The following TMEM9 variants were observed in gnomAD, a reference collection of about 807,000 sequenced individuals.
TMEM9 encodes the protein proton-transporting V-type ATPase complex assembly regulator TMEM9.
In TMEM9, 13 loss-of-function variants were observed where a neutral mutation model predicts 22.8. The ratio of observed to expected loss-of-function variants is 0.57; its 90% CI spans 0.37 to 0.91. The LOEUF is 0.91. TMEM9 is among the 40% of genes least tolerant of loss of function. The pLI, the probability that TMEM9 is intolerant of heterozygous loss-of-function variation, is 0.01. For synonymous variants in TMEM9, 88 were observed against 93.0 expected (o/e 0.95, Z 0.31); for missense variants, 182 against 238.1 (o/e 0.76, Z 1.55).
chr1:201,171,248 C>A (rs1666203535), intron 1 of TMEM9, among the ~76,000 whole-genome samples: 1 of 152,118 alleles, frequency 6.6e-6, no homozygotes, highest in South Asian at 2.1e-4. Flanking sequence ...AGGCCCCCTG[C>A]CGGACGGCGG....
At chr1:201,153,185 C>T (rs1035027084) in intron 1 of TMEM9, among the ~76,000 whole-genome samples, 2 of 152,200 alleles carry the variant, frequency 1.3e-5, no homozygotes, top group African/African-American at 2.4e-5. Context: ...TTTATTTTCA[C>T]TGTGTTAATA....
intron 3 of TMEM9, 21 bp downstream of exon 3, chr1:201,146,719 T>C (rs752437054): frequency 1.2e-6 from 2 of 1,612,428 alleles, no homozygotes; most frequent in Non-Finnish European, 1.7e-6. Context: ...TCCCACTGGC[T>C]TCCTGAGACC....
chr1:201,146,564 G>A (rs768143329), intron 3 of TMEM9, 176 bp downstream of exon 3: 152 of 711,144 alleles, frequency 2.1e-4, no homozygotes, highest in Non-Finnish European at 3.3e-4. Flanking sequence ...GAAGGGAGCT[G>A]GCTCCAGGAA....
Position 201,135,156 on chromosome 1 carries a change from C to A in TMEM9, c.*507G>T. ...GCCCAGCTCTCCCATCAGAGCTGTC[C>A]TCAGGGCTGGAGCTGGGGCTGGGGC... On this transcript the variant is annotated 3_prime_UTR_variant, in exon 5 of 5. Transcript: ENST00000367330. 1 of 153,686 alleles carries A rather than the reference C, an allele frequency of 6.5e-6. No individual in the cohort carries two copies. Among genetic ancestry groups the A allele is most frequent in the South Asian group, 1.9e-4 (1 of 5,156 alleles). 9.5% of individuals were successfully genotyped at this position (153,686 alleles called of 1,614,324 possible).
chr1:201,140,702 G>A (rs979974306), intron 4 of TMEM9, among the ~76,000 whole-genome samples: 10 of 152,172 alleles, frequency 6.6e-5, no homozygotes, highest in African/African-American at 2.4e-4. Context: ...GACTTCTGGG[G>A]CGTAGGGCCT....
At chr1:201,145,887 G>A (rs1258915857) in intron 3 of TMEM9, among the ~76,000 whole-genome samples, 1 of 152,190 alleles carries the variant, frequency 6.6e-6, no homozygotes, top group Non-Finnish European at 1.5e-5. Context: ...GCATGGGCCT[G>A]GGAGGTCAGA....
chr1:201,143,369 C>T (rs1341085835), intron 4 of TMEM9, among the ~76,000 whole-genome samples: 1 of 152,220 alleles, frequency 6.6e-6, no homozygotes, highest in Non-Finnish European at 1.5e-5. Context: ...TGAAATCCTA[C>T]ATTTCTCCCC....
In TMEM9 at chr1:201,153,976, G is replaced by C. The variant is rs560639310; in HGVS notation, c.-53C>G. 4.5e-6 allele frequency: 7 copies of C among 1,566,648 alleles called. No individual in the cohort carries two copies. The highest frequency in any genetic ancestry group is 5.2e-6 in the Non-Finnish European group (6 of 1,156,006). On this transcript the variant is annotated 5_prime_UTR_variant, in exon 1 of 5. Coordinates refer to ENST00000367330, the MANE Select transcript of TMEM9 (RefSeq NM_001288565.2). ...GCCGGACACCTGGAAAAAGAGATAC[G>C]GAGTCGGAGAAGGGGAAGGTGGCCA...
chr1:201,147,626 C>T (rs6664337), intron 2 of TMEM9, among the ~76,000 whole-genome samples: 112,702 of 152,184 alleles, frequency 0.74, 41,858 homozygotes, highest in Non-Finnish European at 0.77. Flanking sequence ...ACTACCTTCC[C>T]ACGGCAGCCA....
In TMEM9 at chr1:201,143,101, G is replaced by A. The variant is rs115348182; in HGVS notation, c.399+719C>T. ...ACTGGGCCTGGTCCAAGCCCTGCCA[G>A]CTCCCCACCATTGCATGAACTCCTG... On this transcript the variant is annotated intron_variant, in intron 4 of 4. Transcript: ENST00000367330. Among the ~76,000 whole-genome samples, 668 of 152,348 alleles carry A rather than the reference G, an allele frequency of 4.4e-3. 7 individuals carry two copies. The highest frequency in any genetic ancestry group is 0.016 in the African/African-American group (645 of 41,586).
chr1:201,168,495 G>A (rs1666132957), intron 1 of TMEM9, among the ~76,000 whole-genome samples: 1 of 152,162 alleles, frequency 6.6e-6, no homozygotes, highest in Non-Finnish European at 1.5e-5. Flanking sequence ...GATACAGGTG[G>A]ATCACTTGAG....
At chr1:201,143,377 C>T (rs896970041) in intron 4 of TMEM9, among the ~76,000 whole-genome samples, 16 of 152,230 alleles carry the variant, frequency 1.1e-4, no homozygotes, top group African/African-American at 3.6e-4. Context: ...TACATTTCTC[C>T]CCAGACCCTG....
chr1:201,155,038 A>G (rs1665741461), upstream of TMEM9, among the ~76,000 whole-genome samples: 1 of 152,128 alleles, frequency 6.6e-6, no homozygotes, highest in East Asian at 1.9e-4. Context: ...GCCTGGCAAA[A>G]TGGGGCAAAG....
chr1:201,155,952 G>A (rs1665780087), upstream of TMEM9, among the ~76,000 whole-genome samples: 1 of 152,184 alleles, frequency 6.6e-6, no homozygotes, highest in African/African-American at 2.4e-5. Context: ...GCTTTGGTGA[G>A]CAAGCTCAGG....
rs765678806 is a variant in TMEM9 at position 201,139,415 on chromosome 1, C to T, written c.400-3600G>A. Among the ~76,000 whole-genome samples, 5 of 152,222 alleles carry T rather than the reference C, an allele frequency of 3.3e-5. No homozygotes were observed. In the South Asian group the frequency reaches 6.2e-4, roughly 19 times the overall value. On this transcript the variant is annotated intron_variant, in intron 4 of 4. Transcript: ENST00000367330. Reference sequence around the variant, plus strand: ...GCTGAGTCCCACTGCACCTCTGCTGCGAGGCTCTCCCTGACCCCTGCACGC... The same window carrying T: ...GCTGAGTCCCACTGCACCTCTGCTGTGAGGCTCTCCCTGACCCCTGCACGC...
intron 4 of TMEM9, among the ~76,000 whole-genome samples, chr1:201,140,593 G>C (rs532349811): frequency 2.5e-4 from 38 of 152,290 alleles, no homozygotes; most frequent in Admixed American, 7.8e-4. Context: ...CCCTGGGCAG[G>C]AGAGCTCCTG....
At chr1:201,150,157 G>A (rs901828307) in intron 2 of TMEM9, among the ~76,000 whole-genome samples, 5 of 152,112 alleles carry the variant, frequency 3.3e-5, no homozygotes, top group Non-Finnish European at 7.4e-5. Flanking sequence ...AAGGAGTTTG[G>A]GATATAGCCT....
chr1:201,139,583 C>T (rs1242018632), intron 4 of TMEM9, among the ~76,000 whole-genome samples: 1 of 152,080 alleles, frequency 6.6e-6, no homozygotes, highest in Non-Finnish European at 1.5e-5. Context: ...TCCCCCCTTA[C>T]CCCCCAGCCC....
chr1:201,169,149 G>C (rs1344998499), intron 1 of TMEM9, among the ~76,000 whole-genome samples: 1 of 151,854 alleles, frequency 6.6e-6, no homozygotes, highest in African/African-American at 2.4e-5. Context: ...TAGGTATAGA[G>C]GTGGGTTGGG....
Sources: gnomAD v4.1 joint callset for allele counts (sites outside exome capture counted in the v4.1 genomes callset) on GRCh38, gnomAD v4.1.1 for gene constraint, MANE v1.5 for transcripts, NCBI Gene and HGNC (gene_info 2026-07-23, HGNC 2026-07-21) for gene names.